KIF7: variants seen among roughly 807,000 people sequenced by gnomAD.
KIF7 encodes the protein kinesin family member 7.
In KIF7, 104 loss-of-function variants were observed where a neutral mutation model predicts 135.7. That is an observed-to-expected ratio of 0.77 (90% confidence interval 0.65 to 0.90). KIF7 has a LOEUF of 0.90. Among genes scored for constraint, KIF7 ranks in the 40% least tolerant of loss-of-function variants. KIF7 has a pLI of 0.00. For synonymous variants in KIF7, 883 were observed against 809.4 expected (o/e 1.09, Z -1.54); for missense variants, 2,005 against 1,839.1 (o/e 1.09, Z -1.65).
chr15:89,624,498 G>A (rs1567053217), downstream of KIF7: 9 of 1,614,014 alleles, frequency 5.6e-6, no homozygotes, highest in Middle Eastern at 1.6e-4. Context: ...GGAGCATCGT[G>A]GAGTGTCAGC....
At chr15:89,620,718 G>C (rs1298932142) in intron 1 of KIF7, among the ~76,000 whole-genome samples, 1 of 147,234 alleles carries the variant, frequency 6.8e-6, no homozygotes, top group Non-Finnish European at 1.5e-5. Context: ...CTTATGTTTT[G>C]TTTGTTTGTT....
intron 10 of KIF7, among the ~76,000 whole-genome samples, chr15:89,642,788 C>G (rs1027039953): frequency 6.6e-6 from 1 of 152,136 alleles, no homozygotes; most frequent in African/African-American, 2.4e-5. Context: ...AGGCTGGTCT[C>G]GAACTCCTGA....
intron 11 of KIF7, among the ~76,000 whole-genome samples, chr15:89,640,888 C>G (rs989701358): frequency 1.3e-5 from 2 of 151,510 alleles, no homozygotes; most frequent in Admixed American, 6.6e-5. Context: ...AGTGGCACCC[C>G]GCTACTCAGG....
chr15:89,624,484 A>T (rs1163281374), downstream of KIF7: 1 of 1,614,156 alleles, frequency 6.2e-7, no homozygotes, highest in Non-Finnish European at 8.5e-7. Context: ...CTCTGATCCC[A>T]GAAGGAGCAT....
chr15:89,655,941 G>A (rs58832439), upstream of KIF7, among the ~76,000 whole-genome samples: 33,688 of 152,128 alleles, frequency 0.22, 4,081 homozygotes, highest in East Asian at 0.4. Flanking sequence ...TGATCTGGGG[G>A]TGTCCACGGC....
rs770740912 is a variant in KIF7, at chr15:89,628,781, C to T, written c.3670G>A (p.Glu1224Lys). 7 of 1,611,916 alleles carry T rather than the reference C, an allele frequency of 4.3e-6. No individual in the cohort carries two copies. In the Admixed American group the frequency reaches 1.0e-4, roughly 23 times the overall value. ...CCCTCCGAGCACAGGCTCCTCTTCT[C>T]CCCACCTGTCATGGAGAGTAACGTG... is the stretch of plus-strand genomic sequence containing the variant. ...VNAVGHSRGGEKRSLCSEGRQ... is the reference protein window; with the variant it reads ...VNAVGHSRGGKKRSLCSEGRQ... Residue 1224 changes from glutamate to lysine, a missense_variant, in exon 19 of 19, where the codon GAG becomes AAG. Coordinates refer to ENST00000394412, the MANE Select transcript of KIF7 (RefSeq NM_198525.3).
At chr15:89,647,884 C>T (rs1306605340) in intron 5 of KIF7, among the ~76,000 whole-genome samples, 172 bp from the exon 6 acceptor site, 2 of 152,180 alleles carry the variant, frequency 1.3e-5, no homozygotes, top group South Asian at 4.1e-4. Context: ...CCTGGGTGCC[C>T]TCTGCAAGCC....
At chr15:89,633,422 C>G (rs548902352) in intron 12 of KIF7, among the ~76,000 whole-genome samples, 156 bp from the exon 13 acceptor site, 1 of 152,194 alleles carries the variant, frequency 6.6e-6, no homozygotes, top group African/African-American at 2.4e-5. Flanking sequence ...CCCTGGAGAC[C>G]GGCAAATAGA....
Position 89,652,682 on chromosome 15 carries a change from G to C in KIF7, c.249C>G (p.Phe83Leu), listed in dbSNP as rs1293359223. The change falls in exon 2 of 19, where the codon TTC (phenylalanine) becomes TTG (leucine). Residue 83 changes from phenylalanine (F) to leucine (L), a missense_variant. Coordinates refer to ENST00000394412, the MANE Select transcript of KIF7 (RefSeq NM_198525.3). ...ACVQPLLEAF[F>L]EGFNATVFAY... ...CAAAGACAGTGGCATTGAAGCCCTC[G>C]AAGAAGGCCTCAAGGAGGGGCTGAA... The C allele has an allele frequency of 1.3e-6, 2 of 1,551,336 alleles. No homozygotes were observed. Among genetic ancestry groups the C allele is most frequent in the Non-Finnish European group, 1.7e-6 (2 of 1,146,572 alleles).
In KIF7 at chr15:89,632,912, CCTCCCCCAG is replaced by C; in HGVS notation, c.2794_2802del (p.Leu932_Glu934del). 1 of 1,610,590 alleles carries C rather than the reference CCTCCCCCAG, an allele frequency of 6.2e-7. No individual in the cohort carries two copies. Among genetic ancestry groups the C allele is most frequent in the South Asian group, 1.1e-5 (1 of 90,884 alleles). On this transcript the variant is annotated inframe_deletion, in exon 14 of 19. Coordinates refer to ENST00000394412, the MANE Select transcript of KIF7 (RefSeq NM_198525.3). ...AGGATGGCCTCCCGCTTGTGGAGCTCCTCCCCCAGCTCCTCCAGCGCCCGCCGCTGCTGT... is the reference window on the plus strand; with the variant it reads ...AGGATGGCCTCCCGCTTGTGGAGCTCCTCCTCCAGCGCCCGCCGCTGCTGT...
intron 12 of KIF7, 113 bp from the exon 13 acceptor site, chr15:89,633,379 G>A (rs538713391): frequency 3.5e-5 from 48 of 1,387,972 alleles, no homozygotes; most frequent in Middle Eastern, 2.4e-4. Flanking sequence ...AGGGCCCTGC[G>A]AAGTGTCCCC....
At chr15:89,629,324 TG>T (rs777644826) in intron 17 of KIF7, 50 bp downstream of exon 17, 45 of 503,502 alleles carry the variant, frequency 8.9e-5, no homozygotes, top group Admixed American at 2.4e-4. Context: ...AAGATGGGGG[TG>T]GGGGGGATGG....
chr15:89,624,639 T>C (rs777228533), downstream of KIF7: 1 of 1,613,944 alleles, frequency 6.2e-7, no homozygotes, highest in Non-Finnish European at 8.5e-7. Flanking sequence ...ACCCAGGCCC[T>C]GGTCTCAGGA....
rs199526156 is a variant in KIF7, at chr15:89,628,429, T to G, written c.4022A>C (p.Asn1341Thr). The change falls in exon 19 of 19, where the codon AAC becomes ACC. Residue 1341 changes from asparagine to threonine, a missense_variant. Asn to Thr is a moderately conservative substitution (Grantham distance 65). Coordinates refer to ENST00000394412, the MANE Select transcript of KIF7 (RefSeq NM_198525.3). ...GTCTGCCCCGAGGGCTTACAGGGGG[T>G]TTTTCCGGACATCAATCATCCCCGG... The part of the protein sequence containing the change: ...ASPGMIDVRK[N>T]PL 5 of 1,601,904 alleles carry G rather than the reference T, an allele frequency of 3.1e-6. No individual in the cohort carries two copies. The highest frequency in any genetic ancestry group is 1.7e-4 in the Middle Eastern group (1 of 6,028).
At chr15:89,625,785 C>T (rs142448784), downstream of KIF7, 38 of 1,593,652 alleles carry the variant, frequency 2.4e-5, no homozygotes, top group Middle Eastern at 1.7e-4. Flanking sequence ...TGTTTGTTTC[C>T]GGTGAGTTCG....
At position 89,652,785 on chromosome 15, in the gene KIF7, A is replaced by C; in HGVS notation, c.146T>G (p.Leu49Arg). The change falls in exon 2 of 19, where the codon CTG becomes CGG. Residue 49 changes from leucine to arginine, a missense_variant. Coordinates refer to ENST00000394412, the MANE Select transcript of KIF7 (RefSeq NM_198525.3). Reference sequence around the variant, plus strand: ...GAAGCCAAAGTGTCGGTCACGGCCCAGAGTGACGCGGCCAAGCCCTGGCTC... The same window carrying C: ...GAAGCCAAAGTGTCGGTCACGGCCCCGAGTGACGCGGCCAAGCCCTGGCTC... ...QVEPGLGRVT[L>R]GRDRHFGFHV... 6.4e-7 allele frequency: 1 copy of C among 1,551,464 alleles called. No individual in the cohort carries two copies. Among genetic ancestry groups the C allele is most frequent in the Non-Finnish European group, 8.7e-7 (1 of 1,146,956 alleles).
chr15:89,640,135 A>C (rs1963890592), intron 11 of KIF7, among the ~76,000 whole-genome samples: 1 of 146,682 alleles, frequency 6.8e-6, no homozygotes, highest in Non-Finnish European at 1.5e-5. Flanking sequence ...CACTCTGGGG[A>C]CTGTTGTGGG....
chr15:89,642,393 T>G lies in KIF7; in HGVS notation c.2204A>C (p.Gln735Pro). 6.2e-7 allele frequency: 1 copy of G among 1,600,482 alleles called. No homozygotes were observed. Among genetic ancestry groups the G allele is most frequent in the Non-Finnish European group, 8.5e-7 (1 of 1,174,298 alleles). Residue 735 changes from glutamine (Q) to proline (P), a missense_variant, in exon 11 of 19, where the codon CAG becomes CCG. Gln to Pro is a moderately conservative substitution (Grantham distance 76, BLOSUM62 -1). Coordinates refer to ENST00000394412, the MANE Select transcript of KIF7 (RefSeq NM_198525.3). ...GELVRTGKAA[Q>P]ALNRQHSQRI... is the part of the protein sequence containing the mutation. ...CTGGCTGTGCTGGCGGTTCAGGGCC[T>G]GAGCTGCCTTTCCTGGAAGAAAGCG...
At position 89,633,170 on chromosome 15, in the gene KIF7, C is replaced by T. The variant is rs149548398; in HGVS notation, c.2689G>A (p.Gly897Ser). Residue 897 changes from glycine (G) to serine (S), a missense_variant, in exon 13 of 19, where the codon GGC (glycine) becomes AGC (serine). By Grantham distance (56) the Gly-to-Ser change is moderately conservative (BLOSUM62 0). Transcript: ENST00000394412. ...TGCTGTTCCAGGCTGACCACAGAGC[C>T]GTTGCTGCCACTGCGCCTCTTCCTC... ...FQRKRRSGSN[G>S]SVVSLEQQQK... The T allele has an allele frequency of 9.1e-5, 146 of 1,604,014 alleles. No homozygotes were observed. Among genetic ancestry groups the T allele is most frequent in the Admixed American group, 1.7e-4 (10 of 59,882 alleles).
Sources: gnomAD v4.1 joint callset for allele counts (sites outside exome capture counted in the v4.1 genomes callset) on GRCh38, gnomAD v4.1.1 for gene constraint, MANE v1.5 for transcripts, NCBI Gene and HGNC (gene_info 2026-07-23, HGNC 2026-07-21) for gene names.